The following ZFAT variants were observed in gnomAD, a reference collection of about 807,000 sequenced individuals.
The protein encoded by ZFAT is zinc finger and AT-hook domain containing, also known as zinc finger protein ZFAT.
A neutral mutation model predicts 117.7 loss-of-function variants in ZFAT; 64 were observed. The ratio of observed to expected loss-of-function variants is 0.54; its 90% confidence interval spans 0.44 to 0.67. ZFAT has a LOEUF of 0.67. ZFAT is among the 30% of genes least tolerant of loss of function. The probability of loss-of-function intolerance (pLI) is 0.00; values close to 1 mark genes in which losing one functional copy is unlikely to be tolerated. For missense variants in ZFAT, 1,433 were observed against 1,584.5 expected, an observed-to-expected ratio of 0.90 and a Z score of 1.62; for synonymous variants, 679 against 615.0, an observed-to-expected ratio of 1.10 and a Z score of -1.54.
At chr8:134,813,886 C>A in the ZFAT span, among the ~76,000 whole-genome samples, 2 of 151,766 alleles carry the variant, frequency 1.3e-5, no homozygotes, top group Non-Finnish European at 2.9e-5. Flanking sequence ...TATTATTACT[C>A]TTTAAACAAA....
At chr8:134,813,250 C>T in the ZFAT span, among the ~76,000 whole-genome samples, 115 of 152,316 alleles carry the variant, frequency 7.6e-4, 1 homozygote, top group East Asian at 0.01. Context: ...TTTTAGGCTG[C>T]TAACTTGTGT....
At chr8:134,816,431 C>A in the ZFAT span, among the ~76,000 whole-genome samples, 1 of 149,936 alleles carries the variant, frequency 6.7e-6, no homozygotes, top group Non-Finnish European at 1.5e-5. Context: ...AAAAATAAGA[C>A]AAGACTCTTG....
chr8:134,790,967 A>T, the ZFAT span, among the ~76,000 whole-genome samples: 1 of 152,202 alleles, frequency 6.6e-6, no homozygotes, highest in Non-Finnish European at 1.5e-5. Flanking sequence ...GTAAGCCATG[A>T]TCATGCCATG....
the ZFAT span, among the ~76,000 whole-genome samples, chr8:134,789,713 C>A: frequency 8.5e-5 from 13 of 152,152 alleles, no homozygotes; most frequent in Non-Finnish European, 1.8e-4. Flanking sequence ...ACCTGGACAG[C>A]CTACATCTGA....
chr8:134,692,168 A>C lies in ZFAT; in HGVS notation c.19+20677T>G, dbSNP rs191376499. On this transcript the variant is annotated intron_variant, in intron 1 of 15. Coordinates refer to ENST00000377838, the MANE Select transcript of ZFAT (RefSeq NM_020863.4). ...AAGTCATTCTTAACGCTCATTTTCTAGAAAAGGAAGATGGTGTGCCAAGGA... is the reference window on the plus strand; with the variant it reads ...AAGTCATTCTTAACGCTCATTTTCTCGAAAAGGAAGATGGTGTGCCAAGGA... Among the ~76,000 whole-genome samples, 10 of 152,330 alleles carry C rather than the reference A, an allele frequency of 6.6e-5. 1 individual carries two copies. The highest frequency in any genetic ancestry group is 2.4e-4 in the African/African-American group (10 of 41,566).
intron 1 of ZFAT, among the ~76,000 whole-genome samples, chr8:134,711,644 A>G (rs1443478472): frequency 6.6e-6 from 1 of 152,002 alleles, no homozygotes; most frequent in South Asian, 2.1e-4. Flanking sequence ...AAATTAAATT[A>G]AAAAAAAGCA....
chr8:134,696,867 C>T (rs1369116629), intron 1 of ZFAT, among the ~76,000 whole-genome samples: 1 of 152,212 alleles, frequency 6.6e-6, no homozygotes, highest in African/African-American at 2.4e-5. Flanking sequence ...ACGTATCTCT[C>T]TCAGGCATAT....
chr8:134,675,475 T>A (rs567340232), intron 1 of ZFAT, among the ~76,000 whole-genome samples: 50 of 152,180 alleles, frequency 3.3e-4, no homozygotes, highest in Middle Eastern at 3.4e-3. Flanking sequence ...AAATCTACGT[T>A]TGATTGGTAT....
At chr8:134,820,100 G>C in the ZFAT span, among the ~76,000 whole-genome samples, 1 of 152,180 alleles carries the variant, frequency 6.6e-6, no homozygotes, top group African/African-American at 2.4e-5. Flanking sequence ...TATGAAGGAA[G>C]CTTATAATCA....
chr8:134,823,078 C>A, the ZFAT span, among the ~76,000 whole-genome samples: 1 of 152,188 alleles, frequency 6.6e-6, no homozygotes, highest in Non-Finnish European at 1.5e-5. Flanking sequence ...TCTTCCTGCT[C>A]TGTTGTGGAC....
intron 2 of ZFAT, among the ~76,000 whole-genome samples, chr8:134,649,165 T>TCTCACACACA (rs1554614264): frequency 0.053 from 4,091 of 76,904 alleles, 213 homozygotes; most frequent in African/African-American, 0.15. Flanking sequence ...CATCTATCTC[T>TCTCACACACA]CACACACACA....
At chr8:134,525,329 A>T (rs1294333835) in intron 12 of ZFAT, among the ~76,000 whole-genome samples, 1 of 152,182 alleles carries the variant, frequency 6.6e-6, no homozygotes, top group African/African-American at 2.4e-5. Context: ...CCCAATATAC[A>T]TGTGAGCTGA....
chr8:134,620,870 G>C lies in ZFAT; in HGVS notation c.449-10215C>G, dbSNP rs543061949. 5.9e-5 allele frequency among the ~76,000 whole-genome samples: 9 copies of C among 152,302 alleles called. 1 individual carries two copies. In the South Asian group the frequency reaches 1.9e-3, roughly 32 times the overall value. On this transcript the variant is annotated intron_variant, in intron 3 of 15. Coordinates refer to ENST00000377838, the MANE Select transcript of ZFAT (RefSeq NM_020863.4). ...TCCTAATGTGGAAAATAAGGACACC[G>C]AAGGGAGCCCCAGGGGTTTCTGGGC...
chr8:134,638,269 G>A (rs1830351585), intron 2 of ZFAT, among the ~76,000 whole-genome samples: 1 of 152,148 alleles, frequency 6.6e-6, no homozygotes, highest in South Asian at 2.1e-4. Flanking sequence ...TATTTTTCCA[G>A]TTTCCTAGCG....
chr8:134,502,175 C>T (rs1369786651), intron 15 of ZFAT, among the ~76,000 whole-genome samples: 2 of 152,228 alleles, frequency 1.3e-5, no homozygotes, highest in Admixed American at 1.3e-4. Context: ...CATCTGCCCC[C>T]CGATGGGAGG....
chr8:134,665,191 G>A (rs1253906042), intron 1 of ZFAT, among the ~76,000 whole-genome samples: 1 of 152,202 alleles, frequency 6.6e-6, no homozygotes, highest in African/African-American at 2.4e-5. Context: ...CCCTGAGGGG[G>A]AGACTGAGTC....
chr8:134,483,924 C>T (rs1416027896), intron 15 of ZFAT, among the ~76,000 whole-genome samples: 1 of 152,224 alleles, frequency 6.6e-6, no homozygotes, highest in Non-Finnish European at 1.5e-5. Flanking sequence ...GTGCGCCAGG[C>T]AGTGGCTACG....
intron 3 of ZFAT, among the ~76,000 whole-genome samples, chr8:134,636,479 G>A (rs1312016281): frequency 6.6e-6 from 1 of 152,152 alleles, no homozygotes; most frequent in African/African-American, 2.4e-5. Context: ...ATAGGAGACA[G>A]GACTGCTTTT....
rs766337446 is a variant in ZFAT, at chr8:134,601,511, C to A, written c.2208G>T (p.Arg736=). Residue 736 remains arginine (R), a synonymous_variant, in exon 6 of 16, where the codon CGG becomes CGT. Coordinates refer to ENST00000377838, the MANE Select transcript of ZFAT (RefSeq NM_020863.4). The part of the protein sequence containing the change: ...QMNTSLCERI[R]KVYGDLECEY... The stretch of plus-strand genomic sequence containing the variant: ...CACACTCCAGGTCTCCATAAACCTT[C>A]CGGATCCGCTCACACAAGCTGGTGT... 4.3e-6 allele frequency: 7 copies of A among 1,613,766 alleles called. No individual in the cohort carries two copies. The African/African-American group carries it at 9.3e-5, about 22-fold the overall frequency.
Sources: gnomAD v4.1 joint callset for allele counts (sites outside exome capture counted in the v4.1 genomes callset) on GRCh38, gnomAD v4.1.1 for gene constraint, MANE v1.5 for transcripts, NCBI Gene and HGNC (gene_info 2026-07-23, HGNC 2026-07-21) for gene names.